ZBTB7C: variants seen among roughly 807,000 people sequenced by gnomAD.
The protein encoded by ZBTB7C is zinc finger and BTB domain containing 7C, also known as zinc finger and BTB domain-containing protein 7C.
In ZBTB7C, 8 loss-of-function variants were observed where a neutral mutation model predicts 25.7. The observed-to-expected ratio is 0.31, with a 90% CI of 0.18 to 0.56. ZBTB7C has a LOEUF of 0.56. ZBTB7C is among the 20% of genes least tolerant of loss of function. ZBTB7C has a pLI of 0.91. For missense variants in ZBTB7C, 824 were observed against 855.2 expected (o/e 0.96, Z 0.46); for synonymous variants, 394 against 369.0 (o/e 1.07, Z -0.78).
intron 2 of ZBTB7C, among the ~76,000 whole-genome samples, chr18:48,314,607 G>A (rs990624587): frequency 6.6e-6 from 1 of 152,160 alleles, no homozygotes; most frequent in Non-Finnish European, 1.5e-5. Context: ...ATGATGGGAG[G>A]TGGCAGGTAT....
chr18:48,373,386 T>C (rs1412726102), intron 1 of ZBTB7C, among the ~76,000 whole-genome samples: 1 of 152,162 alleles, frequency 6.6e-6, no homozygotes, highest in African/African-American at 2.4e-5. Flanking sequence ...GCCAGCACCA[T>C]ACTTCCTGTA....
intron 2 of ZBTB7C, among the ~76,000 whole-genome samples, chr18:48,304,925 G>A (rs892244895): frequency 3.3e-5 from 5 of 151,148 alleles, no homozygotes; most frequent in Admixed American, 6.6e-5. Flanking sequence ...TTTGAGACAA[G>A]CCTGGTTTTC....
chr18:48,383,881 G>C (rs1450421708), intron 1 of ZBTB7C, among the ~76,000 whole-genome samples: 1 of 152,092 alleles, frequency 6.6e-6, no homozygotes, highest in Non-Finnish European at 1.5e-5. Context: ...GGCTGGAAGG[G>C]AGCTCTGGAA....
At chr18:48,304,543 C>T (rs1290304992) in intron 2 of ZBTB7C, among the ~76,000 whole-genome samples, 2 of 152,148 alleles carry the variant, frequency 1.3e-5, no homozygotes, top group Non-Finnish European at 2.9e-5. Context: ...GGCATGGTGG[C>T]AGGTGCCTGT....
At chr18:48,287,801 G>C (rs957022972) in intron 2 of ZBTB7C, among the ~76,000 whole-genome samples, 2 of 152,132 alleles carry the variant, frequency 1.3e-5, no homozygotes, top group Non-Finnish European at 2.9e-5. Flanking sequence ...AGAATTAAAA[G>C]AGACTAATCA....
At chr18:48,295,830 G>A (rs1024424393) in intron 2 of ZBTB7C, among the ~76,000 whole-genome samples, 8 of 152,180 alleles carry the variant, frequency 5.3e-5, no homozygotes, top group African/African-American at 1.9e-4. Context: ...AGCAGCAGGA[G>A]GGGGGCAGTC....
chr18:48,350,628 A>G (rs922168674), intron 1 of ZBTB7C: 4 of 152,154 alleles, frequency 2.6e-5, no homozygotes, highest in Admixed American at 6.5e-5. Flanking sequence ...CATTGTTCAA[A>G]ACCCAAATGG....
intron 2 of ZBTB7C, among the ~76,000 whole-genome samples, chr18:48,303,347 C>T (rs1452867083): frequency 6.6e-6 from 1 of 152,166 alleles, no homozygotes; most frequent in African/African-American, 2.4e-5. Context: ...CTCAGGGGCT[C>T]CTTTTTATCT....
intron 2 of ZBTB7C, among the ~76,000 whole-genome samples, chr18:48,235,255 A>G (rs1241001245): frequency 6.6e-6 from 1 of 152,122 alleles, no homozygotes; most frequent in Non-Finnish European, 1.5e-5. Flanking sequence ...AACCTCCTTT[A>G]GAAAAAATTG....
chr18:48,043,361 A>T (rs961841444), intron 3 of ZBTB7C, among the ~76,000 whole-genome samples: 4 of 152,220 alleles, frequency 2.6e-5, no homozygotes, highest in Admixed American at 2.0e-4. Flanking sequence ...GTGTATGGCT[A>T]AACATTGTGG....
At chr18:48,182,181 A>AT (rs75904473) in intron 3 of ZBTB7C, among the ~76,000 whole-genome samples, 4 of 151,972 alleles carry the variant, frequency 2.6e-5, no homozygotes, top group African/African-American at 4.8e-5. Flanking sequence ...CGGAAATGAG[A>AT]TTTTTTTTCA....
chr18:48,278,147 G>T (rs2044722915), intron 2 of ZBTB7C, among the ~76,000 whole-genome samples: 1 of 152,208 alleles, frequency 6.6e-6, no homozygotes, highest in Admixed American at 6.5e-5. Flanking sequence ...ATGACCTTCT[G>T]GGCTTGACGT....
rs2040203814 is a variant in ZBTB7C, at chr18:48,137,341, A to C, written c.-17+48593T>G. 4.1e-6 allele frequency: 4 copies of C among 985,098 alleles called. No individual in the cohort carries two copies. The South Asian group carries it at 1.4e-4, about 35-fold the overall frequency. 61.0% of individuals were successfully genotyped at this position (985,098 alleles called of 1,614,324 possible). A position where few individuals can be genotyped will look rare whatever the true frequency, so the allele number is the denominator to read the frequency against. On this transcript the variant is annotated intron_variant, in intron 3 of 4. Coordinates refer to ENST00000590800, the MANE Select transcript of ZBTB7C (RefSeq NM_001318841.2). ...TTTGGAAAAGGTAAAGCAGAAATAA[A>C]GGCAAGGGCGGTGGAGGAGCTTTTC...
intron 3 of ZBTB7C, among the ~76,000 whole-genome samples, chr18:48,145,866 C>A (rs1249715244): frequency 6.6e-6 from 1 of 152,074 alleles, no homozygotes; most frequent in Non-Finnish European, 1.5e-5. Flanking sequence ...CTTAAATATT[C>A]CTTAAAATCT....
At chr18:48,236,387 G>A (rs1313912357) in intron 2 of ZBTB7C, among the ~76,000 whole-genome samples, 1 of 152,204 alleles carries the variant, frequency 6.6e-6, no homozygotes, top group Non-Finnish European at 1.5e-5. Flanking sequence ...CCCATGAGAA[G>A]TGTTTGATAA....
At chr18:48,046,619 TAGA>T (rs1257182301) in intron 3 of ZBTB7C, among the ~76,000 whole-genome samples, 1 of 152,230 alleles carries the variant, frequency 6.6e-6, no homozygotes, top group East Asian at 1.9e-4. Flanking sequence ...CCTTTTAAAA[TAGA>T]AGAGCTGGAA....
intron 2 of ZBTB7C, among the ~76,000 whole-genome samples, chr18:48,279,098 C>G (rs1399695547): frequency 6.6e-6 from 1 of 152,102 alleles, no homozygotes; most frequent in African/African-American, 2.4e-5. Flanking sequence ...GGAAAAAGTC[C>G]ATGGAACCAG....
intron 3 of ZBTB7C, chr18:48,088,118 A>G (rs553574431): frequency 6.6e-6 from 1 of 152,356 alleles, no homozygotes; most frequent in African/African-American, 2.4e-5. Context: ...CACAGTGCTA[A>G]AGGGGGTCAG....
At chr18:48,253,058 G>A (rs1246913721) in intron 2 of ZBTB7C, among the ~76,000 whole-genome samples, 2 of 152,084 alleles carry the variant, frequency 1.3e-5, no homozygotes, top group African/African-American at 4.8e-5. Flanking sequence ...GATGTGCTTG[G>A]ACTTAACAGC....
Sources: allele counts gnomAD v4.1 joint callset (sites outside exome capture counted in the v4.1 genomes callset), GRCh38; gene constraint gnomAD v4.1.1; transcripts MANE v1.5; gene names NCBI Gene and HGNC (gene_info 2026-07-23, HGNC 2026-07-21).